NSD2: variants seen among roughly 807,000 people sequenced by gnomAD.
NSD2 encodes the protein histone-lysine N-methyltransferase NSD2.
In NSD2, 12 loss-of-function variants were observed where a neutral mutation model predicts 139.0. The observed-to-expected ratio is 0.09, with a 90% CI of 0.06 to 0.14. NSD2 has a LOEUF of 0.14. Among genes scored for constraint, NSD2 ranks in the 10% least tolerant of loss-of-function variants. The pLI is 1.00. For missense variants in NSD2, 1,155 were observed against 1,745.0 expected (o/e 0.66, Z 6.02); for synonymous variants, 669 against 648.7 (o/e 1.03, Z -0.48).
At chr4:1,900,451 G>A (rs1324139632) in intron 1 of NSD2, among the ~76,000 whole-genome samples, 175 bp from the exon 2 acceptor site, 3 of 151,940 alleles carry the variant, frequency 2.0e-5, no homozygotes, top group South Asian at 2.1e-4. Context: ...TTGTGATTCC[G>A]TGTAATTTTT....
chr4:1,883,631 C>CAA (rs558413845), intron 1 of NSD2, among the ~76,000 whole-genome samples: 157 of 74,132 alleles, frequency 2.1e-3, no homozygotes, highest in African/African-American at 6.1e-3. Context: ...ACTTTGTTTC[C>CAA]AAAAAAAAAA....
At chr4:1,921,767 G>A (rs184100109) in intron 5 of NSD2, among the ~76,000 whole-genome samples, 321 of 135,874 alleles carry the variant, frequency 2.4e-3, no homozygotes, top group Middle Eastern at 4.3e-3. Context: ...GGGCAACACA[G>A]CAAGACTCTG....
chr4:1,917,431 T>C (rs1487032206), intron 4 of NSD2, among the ~76,000 whole-genome samples: 1 of 152,220 alleles, frequency 6.6e-6, no homozygotes, highest in Non-Finnish European at 1.5e-5. Flanking sequence ...TTTTTATTTC[T>C]ATTATTTTTT....
intron 7 of NSD2, among the ~76,000 whole-genome samples, chr4:1,937,845 G>A (rs1722586133): frequency 6.6e-6 from 1 of 152,198 alleles, no homozygotes; most frequent in Non-Finnish European, 1.5e-5. Flanking sequence ...CTCAGCCCTT[G>A]AGAAAAGCTT....
At chr4:1,950,746 C>G (rs972712872) in intron 9 of NSD2, among the ~76,000 whole-genome samples, 1 of 152,166 alleles carries the variant, frequency 6.6e-6, no homozygotes, top group African/African-American at 2.4e-5. Flanking sequence ...TTCCAAAAAG[C>G]CTGTCTTAGT....
rs748922675 is a variant in NSD2 at position 1,955,297 on chromosome 4, C to T, written c.2475C>T (p.His825=). 6 of 1,613,786 alleles carry T rather than the reference C, an allele frequency of 3.7e-6. No individual in the cohort carries two copies. Among genetic ancestry groups the T allele is most frequent in the Non-Finnish European group, 5.1e-6 (6 of 1,179,938 alleles). The change falls in exon 13 of 22, where the codon CAC becomes CAT. Residue 825 remains histidine (H), a synonymous_variant. Transcript: ENST00000508803. The surrounding 1 kb of genome is among the most constrained non-coding windows in gnomAD (Gnocchi z 4.7). The part of the protein sequence containing the change: ...AHFTARKGKR[H]HAHVNVSWCF... ...TCACTGCTCGGAAGGGGAAGCGACA[C>T]CACGCCCACGTCAACGTGAGCTGGT...
rs1267054844 is a variant in NSD2, at chr4:1,974,043, G to A, written c.3373-820G>A. Among the ~76,000 whole-genome samples the A allele has an allele frequency of 6.6e-6, 1 of 152,216 alleles. No homozygotes were observed. Among genetic ancestry groups the A allele is most frequent in the East Asian group, 1.9e-4 (1 of 5,162 alleles). On this transcript the variant is annotated intron_variant, in intron 18 of 21. Coordinates refer to ENST00000508803, the MANE Select transcript of NSD2 (RefSeq NM_001042424.3). This position sits in a 1 kb window ranked among gnomAD's most constrained non-coding sequence, Gnocchi z 4.0. ...CCCTTATCAGGTTGCTGCCTCGAAA[G>A]CCTTCCTGCCGGCCCTGCAGCCACC... is the stretch of plus-strand genomic sequence containing the variant.
At chr4:1,934,847 T>TAAA (rs34096276) in intron 6 of NSD2, among the ~76,000 whole-genome samples, 1 of 20,712 alleles carries the variant, frequency 4.8e-5, no homozygotes, top group African/African-American at 1.9e-4. Context: ...GACTCCATCT[T>TAAA]AAAAAAAAAA....
At chr4:1,905,225 T>C (rs946462514) in intron 3 of NSD2, among the ~76,000 whole-genome samples, 8 of 152,120 alleles carry the variant, frequency 5.3e-5, no homozygotes, top group Non-Finnish European at 2.9e-5. Flanking sequence ...TAAAAGATAA[T>C]GTGGTTTGAG....
chr4:1,935,066 T>C lies in NSD2; in HGVS notation c.1556-78T>C, dbSNP rs1263859593. 3 of 1,112,024 alleles carry C rather than the reference T, an allele frequency of 2.7e-6. No homozygotes were observed. In the African/African-American group the frequency reaches 4.7e-5, roughly 18 times the overall value. 68.9% of individuals were successfully genotyped at this position (1,112,024 alleles called of 1,614,324 possible). On this transcript the variant is annotated intron_variant, in intron 6 of 21. Coordinates refer to ENST00000508803, the MANE Select transcript of NSD2 (RefSeq NM_001042424.3). ...GGCTGGATCTGTATGTTGAATGCCC[T>C]GGGTAGGTTCTCACAGTGCTTCAAA...
chr4:1,873,668 T>C (rs150284974), intron 1 of NSD2, among the ~76,000 whole-genome samples: 26 of 152,314 alleles, frequency 1.7e-4, no homozygotes, highest in African/African-American at 5.1e-4. Context: ...AGTAATCAAA[T>C]CTTACAAAGT....
chr4:1,932,658 A>G (rs1721799696), intron 6 of NSD2, among the ~76,000 whole-genome samples: 2 of 152,160 alleles, frequency 1.3e-5, no homozygotes, highest in African/African-American at 4.8e-5. Context: ...AGGCAGGAGA[A>G]TCGCTTGAAC....
At chr4:1,928,455 T>G (rs993121794) in intron 5 of NSD2, among the ~76,000 whole-genome samples, 3 of 152,168 alleles carry the variant, frequency 2.0e-5, no homozygotes, top group Non-Finnish European at 2.9e-5. Flanking sequence ...GCATGCGCTT[T>G]TGTGTTTTTA....
At position 1,942,022 on chromosome 4, in the gene NSD2, T is replaced by C; in HGVS notation, c.1881+2244T>C. On this transcript the variant is annotated intron_variant, in intron 9 of 21. Coordinates refer to ENST00000508803, the MANE Select transcript of NSD2 (RefSeq NM_001042424.3). The surrounding 1 kb of genome is among the most constrained non-coding windows in gnomAD (Gnocchi z 4.0). ...ACACACCCATTGGGTCACACCCCCT[T>C]TGCATGTTTGTATTTCCTCCCTTTC... is the stretch of plus-strand genomic sequence containing the variant. 1 of 1,152,714 alleles carries C rather than the reference T, an allele frequency of 8.7e-7. No individual in the cohort carries two copies. Among genetic ancestry groups the C allele is most frequent in the South Asian group, 2.7e-5 (1 of 36,784 alleles). The allele number at this position is 1,152,714 out of a possible 1,614,324, so 71.4% of individuals were successfully genotyped here. A position where few individuals can be genotyped will look rare whatever the true frequency, so the allele number is the denominator to read the frequency against.
At chr4:1,881,004 A>G (rs1169097582) in intron 1 of NSD2, among the ~76,000 whole-genome samples, 3 of 152,218 alleles carry the variant, frequency 2.0e-5, no homozygotes, top group East Asian at 1.9e-4. Flanking sequence ...TTAGAGGTGC[A>G]TACAGACATT....
chr4:1,880,770 G>A (rs1193063618), intron 1 of NSD2, among the ~76,000 whole-genome samples: 5 of 152,102 alleles, frequency 3.3e-5, no homozygotes, highest in African/African-American at 9.7e-5. Context: ...TCATCAACAG[G>A]GAAAAATGAA....
chr4:1,904,918 G>A (rs2108758967), intron 3 of NSD2, among the ~76,000 whole-genome samples: 1 of 152,292 alleles, frequency 6.6e-6, no homozygotes, highest in African/African-American at 2.4e-5. Context: ...ATCACTTGAG[G>A]TCAGGAGTTC....
chr4:1,976,384 G>A lies in NSD2; in HGVS notation c.3622-91G>A. On this transcript the variant is annotated intron_variant, in intron 20 of 21. Transcript: ENST00000508803. This position sits in a 1 kb window ranked among gnomAD's most constrained non-coding sequence, Gnocchi z 5.3. ...GTGTTGGGCACCTGCAGAGATCTCT[G>A]AAGTTCCTGGAGTGTAGCTCGCTCT... The A allele has an allele frequency of 6.4e-6, 9 of 1,411,466 alleles. No homozygotes were observed. Among genetic ancestry groups the A allele is most frequent in the Non-Finnish European group, 8.7e-6 (9 of 1,029,176 alleles). The allele number at this position is 1,411,466 out of a possible 1,614,324, so 87.4% of individuals were successfully genotyped here.
At chr4:1,944,249 C>T in intron 9 of NSD2, 1 of 1,066,200 alleles carries the variant, frequency 9.4e-7, no homozygotes, top group Non-Finnish European at 1.1e-6. Context: ...CCGAGAGGAC[C>T]ATCTCCTGGT....
Sources: allele counts gnomAD v4.1 joint callset (sites outside exome capture counted in the v4.1 genomes callset), GRCh38; gene constraint gnomAD v4.1.1; non-coding constraint Gnocchi (gnomAD v3.1); transcripts MANE v1.5; gene names NCBI Gene and HGNC (gene_info 2026-07-23, HGNC 2026-07-21).